The following DLG2 variants were observed in gnomAD, a reference collection of about 807,000 sequenced individuals.
DLG2 encodes disks large homolog 2.
A neutral mutation model predicts 132.5 loss-of-function variants in DLG2; 45 were observed. The ratio of observed to expected loss-of-function variants is 0.34; its 90% CI spans 0.27 to 0.44. The LOEUF (loss-of-function observed/expected upper bound fraction) is 0.44, where lower values mean the gene tolerates loss of function less well. Among genes scored for constraint, DLG2 ranks in the 20% least tolerant of loss-of-function variants. The pLI, the probability that DLG2 is intolerant of heterozygous loss-of-function variation, is 1.00. For missense variants in DLG2, 1,045 were observed against 1,196.9 expected (o/e 0.87, Z 1.87); for synonymous variants, 424 against 419.6 (o/e 1.01, Z -0.13).
chr11:84,415,646 G>A (rs148647421), intron 7 of DLG2, among the ~76,000 whole-genome samples: 3 of 152,050 alleles, frequency 2.0e-5, no homozygotes, highest in Admixed American at 1.3e-4. Flanking sequence ...TGTGGCCAGC[G>A]CCAGTGAAAC....
At chr11:84,956,895 A>G (rs922718702) in intron 6 of DLG2, among the ~76,000 whole-genome samples, 1 of 152,208 alleles carries the variant, frequency 6.6e-6, no homozygotes, top group Admixed American at 6.5e-5. Flanking sequence ...TAGTCTTCAG[A>G]GAGGTAAATC....
chr11:84,856,757 A>G (rs1266484050), intron 6 of DLG2, among the ~76,000 whole-genome samples: 3 of 152,002 alleles, frequency 2.0e-5, no homozygotes, highest in East Asian at 1.9e-4. Context: ...AGTCCCTAAC[A>G]TAACTTTCAA....
chr11:83,843,066 T>G (rs1034262049), intron 16 of DLG2, among the ~76,000 whole-genome samples: 1 of 152,194 alleles, frequency 6.6e-6, no homozygotes, highest in Admixed American at 6.5e-5. Flanking sequence ...TAAGGATCTG[T>G]GTACCTTTTA....
intron 4 of DLG2, among the ~76,000 whole-genome samples, chr11:85,202,060 A>T (rs114242003): frequency 6.6e-6 from 1 of 151,938 alleles, no homozygotes; most frequent in Non-Finnish European, 1.5e-5. Flanking sequence ...AAGCTTATGG[A>T]CTCTATGGAA....
intron 9 of DLG2, among the ~76,000 whole-genome samples, chr11:84,132,929 A>G (rs2094471307): frequency 6.6e-6 from 1 of 152,068 alleles, no homozygotes; most frequent in Non-Finnish European, 1.5e-5. Flanking sequence ...TTAAACAGGA[A>G]ATGGAGAAAA....
intron 13 of DLG2, among the ~76,000 whole-genome samples, chr11:83,963,780 T>A (rs2089504293): frequency 6.6e-6 from 1 of 151,992 alleles, no homozygotes; most frequent in African/African-American, 2.4e-5. Context: ...AGGCTGTGCT[T>A]CCTGACATCT....
chr11:84,074,529 A>T (rs2096797941), intron 10 of DLG2, among the ~76,000 whole-genome samples: 3 of 139,344 alleles, frequency 2.2e-5, no homozygotes, highest in African/African-American at 5.4e-5. Context: ...AGAGTTTCTA[A>T]TTTTTTTTTT....
At chr11:83,602,090 T>C (rs611766) in intron 19 of DLG2, among the ~76,000 whole-genome samples, 75,937 of 152,026 alleles carry the variant, frequency 0.5, 19,937 homozygotes, top group African/African-American at 0.65. Context: ...GAATAAATCA[T>C]GGACAGAGGA....
intron 19 of DLG2, among the ~76,000 whole-genome samples, chr11:83,601,858 G>A (rs2058625517): frequency 1.3e-5 from 2 of 152,096 alleles, no homozygotes; most frequent in African/African-American, 4.8e-5. Flanking sequence ...ACAACTTGCT[G>A]TGATCACAGA....
chr11:83,975,337 T>C (rs555974727), intron 12 of DLG2, among the ~76,000 whole-genome samples: 221 of 152,172 alleles, frequency 1.5e-3, no homozygotes, highest in Non-Finnish European at 2.2e-3. Context: ...CCAATGTCAC[T>C]GTCACTTTAC....
Position 83,738,375 on chromosome 11 carries a change from G to C in DLG2, c.1825+48315C>G, listed in dbSNP as rs144064352. On this transcript the variant is annotated intron_variant, in intron 18 of 27. Coordinates refer to ENST00000376104, the MANE Select transcript of DLG2 (RefSeq NM_001142699.3). ...TTCTTATGTTGAAAAAGAGGGGCAG[G>C]CTTCTCTTTGGGGGCTGCTCCCCAA... is the stretch of plus-strand genomic sequence containing the variant. 3.5e-3 allele frequency among the ~76,000 whole-genome samples: 528 copies of C among 151,968 alleles called. 1 individual carries two copies. Among genetic ancestry groups the C allele is most frequent in the African/African-American group, 8.1e-3 (336 of 41,446 alleles).
rs538924815 is a variant in DLG2 at position 83,786,032 on chromosome 11, C to G, written c.1825+658G>C. ...TGAATTTTCTAAGAAATCAACCATA[C>G]AATAAGTAACATCCCAGTTGTCTCA... On this transcript the variant is annotated intron_variant, in intron 18 of 27. Coordinates refer to ENST00000376104, the MANE Select transcript of DLG2 (RefSeq NM_001142699.3). Among the ~76,000 whole-genome samples the G allele has an allele frequency of 5.9e-5, 9 of 152,256 alleles. No homozygotes were observed. The South Asian group carries it at 1.7e-3, about 28-fold the overall frequency.
At chr11:84,062,192 C>T (rs2096602057) in intron 10 of DLG2, among the ~76,000 whole-genome samples, 2 of 152,226 alleles carry the variant, frequency 1.3e-5, no homozygotes, top group Non-Finnish European at 1.5e-5. Flanking sequence ...ATGTTCATTC[C>T]TGAATATGTG....
intron 3 of DLG2, among the ~76,000 whole-genome samples, chr11:85,497,741 C>T (rs1352256330): frequency 6.6e-6 from 1 of 152,164 alleles, no homozygotes; most frequent in Non-Finnish European, 1.5e-5. Context: ...TCGGCAGAAA[C>T]CCTACAAGCC....
intron 10 of DLG2, among the ~76,000 whole-genome samples, chr11:84,086,715 C>G (rs2096988507): frequency 6.6e-6 from 1 of 152,096 alleles, no homozygotes; most frequent in Admixed American, 6.5e-5. Context: ...GCCTCCAACT[C>G]CTGTGCTCAA....
chr11:84,441,651 G>A (rs2099017631), intron 7 of DLG2, among the ~76,000 whole-genome samples: 1 of 152,088 alleles, frequency 6.6e-6, no homozygotes, highest in Admixed American at 6.5e-5. Flanking sequence ...TTGTGTGACT[G>A]AAAATGTAAA....
At chr11:83,867,601 T>G (rs536909116) in intron 16 of DLG2, among the ~76,000 whole-genome samples, 1 of 152,304 alleles carries the variant, frequency 6.6e-6, no homozygotes, top group African/African-American at 2.4e-5. Context: ...AGATTTTCTA[T>G]GTCATCTTGC....
chr11:84,015,525 T>A (rs1025093100), intron 11 of DLG2, among the ~76,000 whole-genome samples: 4 of 152,178 alleles, frequency 2.6e-5, no homozygotes, highest in Admixed American at 6.6e-5. Flanking sequence ...CCTGATGCTC[T>A]CCCTTTTTCC....
intron 4 of DLG2, among the ~76,000 whole-genome samples, chr11:85,262,833 C>G (rs894244816): frequency 6.6e-6 from 1 of 152,170 alleles, no homozygotes; most frequent in African/African-American, 2.4e-5. Flanking sequence ...CATTATGGAG[C>G]CACGAGAATA....
Sources: allele counts gnomAD v4.1 joint callset (sites outside exome capture counted in the v4.1 genomes callset), GRCh38; gene constraint gnomAD v4.1.1; transcripts MANE v1.5; gene names NCBI Gene and HGNC (gene_info 2026-07-23, HGNC 2026-07-21).